The following IGSF11 variants were observed in gnomAD, a reference collection of about 807,000 sequenced individuals.
IGSF11 encodes CXADR like 1.
In IGSF11, 22 loss-of-function variants were observed where a neutral mutation model predicts 41.0. The observed-to-expected ratio is 0.54, with a 90% CI of 0.38 to 0.77. The LOEUF is 0.77. Among genes scored for constraint, IGSF11 ranks in the 30% least tolerant of loss-of-function variants. The pLI is 0.00. For missense variants in IGSF11, 444 were observed against 530.8 expected (o/e 0.84, Z 1.61); for synonymous variants, 219 against 201.3 (o/e 1.09, Z -0.74).
intron 1 of IGSF11, among the ~76,000 whole-genome samples, chr3:119,010,799 A>G (rs1187385443): frequency 1.3e-5 from 2 of 152,188 alleles, no homozygotes; most frequent in African/African-American, 4.8e-5. Context: ...TCTCTGGAGA[A>G]CCATGAATGA....
intron 1 of IGSF11, among the ~76,000 whole-genome samples, chr3:119,002,417 T>C (rs1936997947): frequency 6.7e-6 from 1 of 150,136 alleles, no homozygotes; most frequent in Admixed American, 6.6e-5. Flanking sequence ...TCCCATGTTG[T>C]AGGTTGCCTG....
chr3:119,062,664 G>A (rs1224489419), intron 1 of IGSF11, among the ~76,000 whole-genome samples: 1 of 152,170 alleles, frequency 6.6e-6, no homozygotes, highest in African/African-American at 2.4e-5. Flanking sequence ...GTTTAGCAAG[G>A]TGGCACTTCA....
intron 1 of IGSF11, among the ~76,000 whole-genome samples, chr3:119,012,466 T>C (rs1938241132): frequency 6.6e-6 from 1 of 152,198 alleles, no homozygotes. Flanking sequence ...TTTAGTAAAC[T>C]GAAACTAAAT....
At chr3:119,105,675 A>G (rs2077011385), upstream of IGSF11, among the ~76,000 whole-genome samples, 1 of 152,192 alleles carries the variant, frequency 6.6e-6, no homozygotes, top group Non-Finnish European at 1.5e-5. Flanking sequence ...AAGCTCTTTC[A>G]GATTAGGAAA....
chr3:118,946,223 C>A (rs1944125825), intron 1 of IGSF11, among the ~76,000 whole-genome samples: 1 of 149,776 alleles, frequency 6.7e-6, no homozygotes, highest in African/African-American at 2.5e-5. Flanking sequence ...CACACACACA[C>A]ACAAACATAT....
At chr3:119,118,782 A>C (rs1363524054) in intron 1 of IGSF11, among the ~76,000 whole-genome samples, 1 of 152,330 alleles carries the variant, frequency 6.6e-6, no homozygotes, top group East Asian at 1.9e-4. Flanking sequence ...CACCCAAGTC[A>C]TCTCTTGAAT....
intron 1 of IGSF11, among the ~76,000 whole-genome samples, chr3:119,006,572 G>GT (rs1333678822): frequency 7.8e-6 from 1 of 127,762 alleles, no homozygotes; most frequent in Non-Finnish European, 1.6e-5. Flanking sequence ...TTTCTGTTCT[G>GT]TTTTTTCCCC....
chr3:119,074,714 T>C (rs1425324581), intron 1 of IGSF11, among the ~76,000 whole-genome samples: 1 of 151,798 alleles, frequency 6.6e-6, no homozygotes, highest in Non-Finnish European at 1.5e-5. Flanking sequence ...TAGCCGGGCA[T>C]GGTGGCAGGT....
At chr3:119,065,792 C>CAAAAAAAA (rs1193374379) in intron 1 of IGSF11, among the ~76,000 whole-genome samples, 7 of 56,684 alleles carry the variant, frequency 1.2e-4, no homozygotes, top group Admixed American at 3.9e-4. Flanking sequence ...GACTCTGTCT[C>CAAAAAAAA]AAAAAAAAAA....
At chr3:119,077,759 T>C (rs530102869) in intron 1 of IGSF11, among the ~76,000 whole-genome samples, 2 of 152,312 alleles carry the variant, frequency 1.3e-5, no homozygotes, top group East Asian at 3.9e-4. Context: ...TACAATGATG[T>C]GATTCTATAC....
intron 4 of IGSF11, among the ~76,000 whole-genome samples, chr3:118,917,110 G>A (rs1191658827): frequency 6.6e-6 from 1 of 151,854 alleles, no homozygotes; most frequent in Non-Finnish European, 1.5e-5. Flanking sequence ...TCAAAGCAGT[G>A]TGTAGAGGGA....
At chr3:119,072,194 T>G (rs772057352) in intron 1 of IGSF11, among the ~76,000 whole-genome samples, 6 of 152,252 alleles carry the variant, frequency 3.9e-5, no homozygotes, top group Admixed American at 6.5e-5. Context: ...AGTGGGTTTC[T>G]CTTCCTTGCA....
chr3:119,028,208 A>G (rs1940008262), intron 1 of IGSF11, among the ~76,000 whole-genome samples: 2 of 152,188 alleles, frequency 1.3e-5, no homozygotes, highest in African/African-American at 4.8e-5. Context: ...AGTGTGGTCC[A>G]TAAGGGTATA....
At chr3:119,031,448 A>G (rs938167393) in intron 1 of IGSF11, among the ~76,000 whole-genome samples, 1 of 152,216 alleles carries the variant, frequency 6.6e-6, no homozygotes, top group Non-Finnish European at 1.5e-5. Flanking sequence ...CACATGGCAT[A>G]AGTATGAAGA....
intron 1 of IGSF11, among the ~76,000 whole-genome samples, chr3:119,118,921 C>T (rs554930628): frequency 1.3e-5 from 2 of 152,226 alleles, no homozygotes; most frequent in African/African-American, 4.8e-5. Context: ...ACAAGAATCA[C>T]CTTTGCTCCA....
intron 1 of IGSF11, among the ~76,000 whole-genome samples, chr3:118,940,597 T>C (rs139854552): frequency 6.9e-4 from 105 of 152,202 alleles, no homozygotes; most frequent in African/African-American, 2.2e-3. Context: ...GGAGGTCAAG[T>C]CAACCCAAAT....
chr3:118,904,019 C>T (rs1053513423), intron 6 of IGSF11, among the ~76,000 whole-genome samples: 1 of 152,130 alleles, frequency 6.6e-6, no homozygotes, highest in Non-Finnish European at 1.5e-5. Flanking sequence ...AGAAGATACG[C>T]AGGCAAGAAT....
chr3:118,920,763 T>G (rs1273262015), intron 4 of IGSF11, among the ~76,000 whole-genome samples: 1 of 152,154 alleles, frequency 6.6e-6, no homozygotes, highest in Non-Finnish European at 1.5e-5. Flanking sequence ...AAACACATAT[T>G]TCTCATAATA....
intron 1 of IGSF11, among the ~76,000 whole-genome samples, chr3:119,047,773 A>G (rs1210769209): frequency 6.6e-6 from 1 of 152,166 alleles, no homozygotes; most frequent in African/African-American, 2.4e-5. Flanking sequence ...CAAATGTAAA[A>G]GAACAGAAAT....
Sources: allele counts gnomAD v4.1 joint callset (sites outside exome capture counted in the v4.1 genomes callset), GRCh38; gene constraint gnomAD v4.1.1; transcripts MANE v1.5; gene names NCBI Gene and HGNC (gene_info 2026-07-23, HGNC 2026-07-21).